COG6: variants seen among roughly 807,000 people sequenced by gnomAD.
The protein encoded by COG6 is component of oligomeric golgi complex 6, also known as conserved oligomeric Golgi complex subunit 6.
Under a neutral mutation model 88.8 loss-of-function variants are expected in COG6, and 74 were observed. That is an observed-to-expected ratio of 0.83 (90% CI 0.69 to 1.01). COG6 has a LOEUF of 1.01. COG6 is among the 50% of genes least tolerant of loss of function. The pLI, the probability that COG6 is intolerant of heterozygous loss-of-function variation, is 0.00. For synonymous variants in COG6, 286 were observed against 278.7 expected (o/e 1.03, Z -0.26); for missense variants, 800 against 797.9 (o/e 1.00, Z -0.03).
rs1467854558 is a variant in COG6, at chr13:39,752,405, T to C, written c.*1312T>C. On this transcript the variant is annotated 3_prime_UTR_variant, in exon 19 of 19. Transcript: ENST00000455146. ...GGAGTAAGAATGATTATATAATCGTTATCCATTTGGGTATAAATCTGTATT... is the reference window on the plus strand; with the variant it reads ...GGAGTAAGAATGATTATATAATCGTCATCCATTTGGGTATAAATCTGTATT... 9.8e-7 allele frequency: 1 copy of C among 1,020,104 alleles called. No homozygotes were observed. Among genetic ancestry groups the C allele is most frequent in the South Asian group, 1.5e-5 (1 of 68,618 alleles). The allele number at this position is 1,020,104 out of a possible 1,614,324, so 63.2% of individuals were successfully genotyped here.
chr13:39,782,553 A>G (rs1400635283), intron 18 of COG6, among the ~76,000 whole-genome samples: 3 of 152,176 alleles, frequency 2.0e-5, no homozygotes, highest in African/African-American at 7.2e-5. Flanking sequence ...TGCACCAGAA[A>G]TGGGTTTTGA....
intron 17 of COG6, 48 bp downstream of exon 17, chr13:39,724,609 T>C (rs780570326): frequency 8.1e-6 from 11 of 1,360,502 alleles, no homozygotes; most frequent in Non-Finnish European, 1.2e-5. Flanking sequence ...TATGGATCGA[T>C]AGTCTTCATT....
chr13:39,701,833 T>G (rs1877598914), intron 13 of COG6, among the ~76,000 whole-genome samples: 1 of 151,804 alleles, frequency 6.6e-6, no homozygotes, highest in Non-Finnish European at 1.5e-5. Context: ...AATAGATGCA[T>G]TAGGCGTTTG....
exon 19 of COG6, chr13:39,790,625 T>C (rs1276365013): frequency 1.3e-5 from 2 of 152,092 alleles, no homozygotes; most frequent in African/African-American, 2.4e-5. Flanking sequence ...CTCCTGTAGT[T>C]AAAAAATATT....
chr13:39,741,821 A>G (rs898398225), intron 18 of COG6, among the ~76,000 whole-genome samples: 1 of 152,152 alleles, frequency 6.6e-6, no homozygotes, highest in African/African-American at 2.4e-5. Flanking sequence ...CCAAGATTGA[A>G]ATGAAGGAAA....
At chr13:39,764,880 A>T (rs1881121137) in intron 18 of COG6, among the ~76,000 whole-genome samples, 1 of 152,094 alleles carries the variant, frequency 6.6e-6, no homozygotes. Flanking sequence ...AAATTTTGTT[A>T]ATCTTGTTTA....
chr13:39,666,276 C>T (rs943179551), intron 4 of COG6, among the ~76,000 whole-genome samples: 1 of 152,020 alleles, frequency 6.6e-6, no homozygotes, highest in Non-Finnish European at 1.5e-5. Flanking sequence ...TGGTGCACAC[C>T]TGAAGTCCCA....
chr13:39,732,890 C>T (rs1879528358), intron 18 of COG6, among the ~76,000 whole-genome samples: 1 of 151,900 alleles, frequency 6.6e-6, no homozygotes, highest in South Asian at 2.1e-4. Flanking sequence ...AAATTAAATA[C>T]CAAAGTATAC....
intron 3 of COG6, among the ~76,000 whole-genome samples, chr13:39,663,327 G>T (rs1875032761): frequency 6.6e-6 from 1 of 152,104 alleles, no homozygotes; most frequent in Admixed American, 6.5e-5. Context: ...GGTGTTGATT[G>T]TAAGGTGCAC....
intron 17 of COG6, 28 bp from the exon 18 acceptor site, chr13:39,727,441 A>AT (rs779693800): frequency 6.5e-7 from 1 of 1,534,008 alleles, no homozygotes; most frequent in African/African-American, 1.4e-5. Context: ...TATGTACTTT[A>AT]TATTTTGTAT....
At position 39,738,207 on chromosome 13, in the gene COG6, T is replaced by C. The variant is rs75459940; in HGVS notation, c.1826+10659T>C. Among the ~76,000 whole-genome samples, 120 of 152,260 alleles carry C rather than the reference T, an allele frequency of 7.9e-4. 1 individual carries two copies. In the East Asian group the frequency reaches 0.021, roughly 27 times the overall value. On this transcript the variant is annotated intron_variant, in intron 18 of 18. Coordinates refer to ENST00000455146, the MANE Select transcript of COG6 (RefSeq NM_020751.3). ...GCGTTCCTGCTTGGGGGACGATCTCTGGAGGCTTCTATTTGCTCATCTTTC... is the reference window on the plus strand; with the variant it reads ...GCGTTCCTGCTTGGGGGACGATCTCCGGAGGCTTCTATTTGCTCATCTTTC...
At chr13:39,699,061 T>A (rs1259781335) in intron 12 of COG6, among the ~76,000 whole-genome samples, 1 of 151,878 alleles carries the variant, frequency 6.6e-6, no homozygotes, top group Non-Finnish European at 1.5e-5. Flanking sequence ...ATTGATATAG[T>A]ATAACAGTTT....
At chr13:39,754,235 T>C (rs1478172251), downstream of COG6, among the ~76,000 whole-genome samples, 3 of 152,172 alleles carry the variant, frequency 2.0e-5, no homozygotes, top group Non-Finnish European at 4.4e-5. Context: ...TAATCCTTCC[T>C]TTAGGGATTT....
Position 39,660,863 on chromosome 13 carries a change from T to G in COG6, c.351T>G (p.Asp117Glu). The G allele has an allele frequency of 2.5e-6, 4 of 1,604,692 alleles. No individual in the cohort carries two copies. The highest frequency in any genetic ancestry group is 3.4e-6 in the Non-Finnish European group (4 of 1,172,130). Residue 117 changes from aspartate (D) to glutamate (E), a missense_variant, in exon 3 of 19, where the codon GAT (aspartate) becomes GAG (glutamate). By Grantham distance (45) the Asp-to-Glu change is conservative. Transcript: ENST00000455146. ...AAGCAATGAGCAACTGTTGTCAAGATATGACAAGTCGCCTACAGGTATTAT... is the reference window on the plus strand; with the variant it reads ...AAGCAATGAGCAACTGTTGTCAAGAGATGACAAGTCGCCTACAGGTATTAT... ...DVQAMSNCCQ[D>E]MTSRLQAAKE...
chr13:39,786,339 C>T (rs1221022666), intron 18 of COG6, among the ~76,000 whole-genome samples: 3 of 152,176 alleles, frequency 2.0e-5, no homozygotes, highest in Non-Finnish European at 4.4e-5. Context: ...CAGCTGAACA[C>T]TGGCTCGGCC....
intron 18 of COG6, among the ~76,000 whole-genome samples, chr13:39,729,781 C>T (rs938838468): frequency 6.6e-6 from 1 of 152,106 alleles, no homozygotes; most frequent in Non-Finnish European, 1.5e-5. Flanking sequence ...TAAATTAGTA[C>T]AATCTTTTCA....
At chr13:39,677,688 A>G (rs1876056143) in intron 5 of COG6, 109 bp downstream of exon 5, 2 of 614,446 alleles carry the variant, frequency 3.3e-6, no homozygotes, top group South Asian at 4.4e-5. Context: ...TTCATCTGAG[A>G]ATATTTTTAT....
chr13:39,706,666 C>CT (rs1877943519), intron 13 of COG6, among the ~76,000 whole-genome samples: 1 of 151,886 alleles, frequency 6.6e-6, no homozygotes, highest in Non-Finnish European at 1.5e-5. Context: ...AGCTTAAATG[C>CT]TTTTTTTAAA....
Position 39,751,044 on chromosome 13 carries a change from A to G in COG6, c.1925A>G (p.Glu642Gly), listed in dbSNP as rs370518175. 17 of 1,613,696 alleles carry G rather than the reference A, an allele frequency of 1.1e-5. No homozygotes were observed. Among genetic ancestry groups the G allele is most frequent in the Non-Finnish European group, 1.2e-5 (14 of 1,179,836 alleles). The change falls in exon 19 of 19, where the codon GAG becomes GGG. Residue 642 changes from glutamate to glycine, a missense_variant. By Grantham distance (98) the Glu-to-Gly change is moderately conservative. Transcript: ENST00000455146. ...MNPINEYKDP[E>G]NILHRSPQQV... ...CCAATCAATGAATACAAAGATCCAG[A>G]GAACATTCTTCACCGATCGCCGCAG...
Sources: gnomAD v4.1 joint callset for allele counts (sites outside exome capture counted in the v4.1 genomes callset) on GRCh38, gnomAD v4.1.1 for gene constraint, MANE v1.5 for transcripts, NCBI Gene and HGNC (gene_info 2026-07-23, HGNC 2026-07-21) for gene names.